The following CCDC152 variants were observed in gnomAD, a reference collection of about 807,000 sequenced individuals.
CCDC152 encodes the protein coiled-coil domain-containing protein 152.
A neutral mutation model predicts 38.1 loss-of-function variants in CCDC152; 37 were observed. The ratio of observed to expected loss-of-function variants is 0.97; its 90% confidence interval spans 0.75 to 1.28. CCDC152 has a LOEUF of 1.28. Ranked by LOEUF, CCDC152 falls within the 50% of genes most tolerant of loss-of-function variation. CCDC152 has a pLI of 0.00. For synonymous variants in CCDC152, 83 were observed against 87.1 expected, an observed-to-expected ratio of 0.95 and a Z score of 0.26; for missense variants, 259 against 292.1, an observed-to-expected ratio of 0.89 and a Z score of 0.83.
chr5:42,787,932 C>A (rs558457500), intron 6 of CCDC152, among the ~76,000 whole-genome samples: 1 of 152,098 alleles, frequency 6.6e-6, no homozygotes, highest in African/African-American at 2.4e-5. Context: ...TTAAGTGGAA[C>A]ATTTAGGCTG....
rs745733446 is a variant in CCDC152 at position 42,801,353 on chromosome 5, CT to C, written c.*1577del. ...GAGTCTGGAACAAATTTATAAATCA[CT>C]TTTTAACAAGCTTATAGAGATAGGA... is the stretch of plus-strand genomic sequence containing the variant. On this transcript the variant is annotated 3_prime_UTR_variant, in exon 9 of 9. Transcript: ENST00000361970. The C allele has an allele frequency of 1.9e-6, 3 of 1,553,862 alleles. No homozygotes were observed. The highest frequency in any genetic ancestry group is 2.4e-5 in the South Asian group (2 of 84,642).
chr5:42,784,779 T>A (rs1386421404), intron 6 of CCDC152, among the ~76,000 whole-genome samples: 1 of 152,126 alleles, frequency 6.6e-6, no homozygotes, highest in Non-Finnish European at 1.5e-5. Flanking sequence ...TTTTTGTGTA[T>A]GGTAAGGGAT....
chr5:42,756,946 T>C (rs1452073648), intron 1 of CCDC152, 61 bp downstream of exon 1: 2 of 152,732 alleles, frequency 1.3e-5, no homozygotes, highest in Non-Finnish European at 2.9e-5. Context: ...GATTCCTTTC[T>C]TCATATTTCA....
rs1301870241 is a variant in CCDC152 at position 42,800,945 on chromosome 5, C to G, written c.*1164C>G. The G allele has an allele frequency of 1.2e-6, 2 of 1,614,098 alleles. No homozygotes were observed. Among genetic ancestry groups the G allele is most frequent in the Non-Finnish European group, 8.5e-7 (1 of 1,180,050 alleles). On this transcript the variant is annotated 3_prime_UTR_variant, in exon 9 of 9. Coordinates refer to ENST00000361970, the MANE Select transcript of CCDC152 (RefSeq NM_001134848.2). ...TTGCAGACCCTGTTTTTTCAAATAT[C>G]AGATGTCGACAATGGCAGCATCAGC...
intron 4 of CCDC152, among the ~76,000 whole-genome samples, chr5:42,778,258 C>A (rs1759793985): frequency 6.6e-6 from 1 of 152,162 alleles, no homozygotes; most frequent in Non-Finnish European, 1.5e-5. Context: ...ATATTTGCTA[C>A]AACCACCTAA....
In CCDC152 at chr5:42,801,541, T is replaced by G. The variant is rs1333973575; in HGVS notation, c.*1760T>G. The G allele has an allele frequency of 2.7e-5, 13 of 481,244 alleles. No individual in the cohort carries two copies. Among genetic ancestry groups the G allele is most frequent in the Non-Finnish European group, 1.1e-5 (3 of 277,822 alleles). 29.8% of individuals were successfully genotyped at this position (481,244 alleles called of 1,614,324 possible). A position where few individuals can be genotyped will look rare whatever the true frequency, so the allele number is the denominator to read the frequency against. On this transcript the variant is annotated 3_prime_UTR_variant, in exon 9 of 9. Transcript: ENST00000361970. ...TAAAAAGAAAGCCAAACCACTGTAC[T>G]TATATTTGCAGAAGCAAATGAAGTA...
Position 42,799,892 on chromosome 5 carries a change from T to A in CCDC152, c.*111T>A, listed in dbSNP as rs1384489529. On this transcript the variant is annotated 3_prime_UTR_variant, in exon 9 of 9. Transcript: ENST00000361970. ...ATAACAAACGAAGTCAGCTTTAAGG[T>A]TTTTATTGAATTTATTTGGACAAAT... 38 of 1,204,238 alleles carry A rather than the reference T, an allele frequency of 3.2e-5. No homozygotes were observed. In the East Asian group the frequency reaches 8.4e-4, roughly 27 times the overall value. The allele number at this position is 1,204,238 out of a possible 1,614,324, so 74.6% of individuals were successfully genotyped here. A position where few individuals can be genotyped will look rare whatever the true frequency, so the allele number is the denominator to read the frequency against.
Position 42,800,156 on chromosome 5 carries a change from G to C in CCDC152, c.*375G>C, listed in dbSNP as rs1760148748. 6.0e-6 allele frequency: 1 copy of C among 167,780 alleles called. No individual in the cohort carries two copies. Among genetic ancestry groups the C allele is most frequent in the South Asian group, 1.8e-4 (1 of 5,504 alleles). The allele number at this position is 167,780 out of a possible 1,614,324, so 10.4% of individuals were successfully genotyped here. ...AAAGATACAAAGGCTTTATTCATGTGTGATAGTAAAAATCAGGATGAGTCT... is the reference window on the plus strand; with the variant it reads ...AAAGATACAAAGGCTTTATTCATGTCTGATAGTAAAAATCAGGATGAGTCT... On this transcript the variant is annotated 3_prime_UTR_variant, in exon 9 of 9. Coordinates refer to ENST00000361970, the MANE Select transcript of CCDC152 (RefSeq NM_001134848.2).
rs1760161380 is a variant in CCDC152 at position 42,800,589 on chromosome 5, A to G, written c.*808A>G. 14 of 1,134,562 alleles carry G rather than the reference A, an allele frequency of 1.2e-5. No individual in the cohort carries two copies. Among genetic ancestry groups the G allele is most frequent in the South Asian group, 1.1e-4 (6 of 56,392 alleles). 70.3% of individuals were successfully genotyped at this position (1,134,562 alleles called of 1,614,324 possible). On this transcript the variant is annotated 3_prime_UTR_variant, in exon 9 of 9. Coordinates refer to ENST00000361970, the MANE Select transcript of CCDC152 (RefSeq NM_001134848.2). Reference sequence around the variant, plus strand: ...CATAAAATTTAAAATCTGGAAGCCAATTCAGTAGATTTCTCCATGTTTGCA... The same window carrying G: ...CATAAAATTTAAAATCTGGAAGCCAGTTCAGTAGATTTCTCCATGTTTGCA...
intron 2 of CCDC152, among the ~76,000 whole-genome samples, chr5:42,760,499 G>A (rs1335594190): frequency 3.3e-5 from 5 of 152,008 alleles, no homozygotes; most frequent in Non-Finnish European, 7.4e-5. Context: ...CCCAACTCTG[G>A]ACAAATGGTA....
intron 4 of CCDC152, among the ~76,000 whole-genome samples, chr5:42,771,537 A>T (rs1360590895): frequency 1.3e-5 from 2 of 152,054 alleles, no homozygotes; most frequent in African/African-American, 4.8e-5. Flanking sequence ...CTACACTGAA[A>T]AAAAAAGAAA....
At chr5:42,759,784 C>T (rs1759525527) in intron 2 of CCDC152, among the ~76,000 whole-genome samples, 1 of 152,080 alleles carries the variant, frequency 6.6e-6, no homozygotes, top group Non-Finnish European at 1.5e-5. Flanking sequence ...AGAGAGACCA[C>T]ATTTATGTAA....
chr5:42,795,766 T>A (rs1188452036), intron 6 of CCDC152, among the ~76,000 whole-genome samples: 1 of 152,120 alleles, frequency 6.6e-6, no homozygotes, highest in East Asian at 1.9e-4. Flanking sequence ...CTATAAATCA[T>A]GCTGCTATAA....
At chr5:42,777,137 T>C (rs986076062) in intron 4 of CCDC152, among the ~76,000 whole-genome samples, 1 of 151,802 alleles carries the variant, frequency 6.6e-6, no homozygotes, top group Non-Finnish European at 1.5e-5. Context: ...AAAAGATCAA[T>C]AAAATTGACA....
chr5:42,799,840 T>A lies in CCDC152; in HGVS notation c.*59T>A. ...TAAAAGCAATCGAAAGTTTCACTTCTGTTTTCAATATATGCATACAGCCTA... is the reference window on the plus strand; with the variant it reads ...TAAAAGCAATCGAAAGTTTCACTTCAGTTTTCAATATATGCATACAGCCTA... On this transcript the variant is annotated 3_prime_UTR_variant, in exon 9 of 9. Coordinates refer to ENST00000361970, the MANE Select transcript of CCDC152 (RefSeq NM_001134848.2). 1 of 1,522,682 alleles carries A rather than the reference T, an allele frequency of 6.6e-7. No individual in the cohort carries two copies. The allele number at this position is 1,522,682 out of a possible 1,614,324, so 94.3% of individuals were successfully genotyped here.
At chr5:42,781,891 T>C (rs1759851927) in intron 5 of CCDC152, among the ~76,000 whole-genome samples, 1 of 152,204 alleles carries the variant, frequency 6.6e-6, no homozygotes, top group African/African-American at 2.4e-5. Context: ...TTTCCTTTTC[T>C]CTTGCCTACA....
intron 2 of CCDC152, among the ~76,000 whole-genome samples, chr5:42,760,535 G>T (rs1029023467): frequency 5.3e-5 from 8 of 152,134 alleles, no homozygotes; most frequent in Non-Finnish European, 1.0e-4. Context: ...TGTGTATTGG[G>T]TTTATCCTCC....
At chr5:42,767,530 G>A (rs1759641358) in intron 3 of CCDC152, among the ~76,000 whole-genome samples, 5 of 152,006 alleles carry the variant, frequency 3.3e-5, no homozygotes, top group Admixed American at 3.3e-4. Context: ...AATTTAATAG[G>A]CCAGCATTTT....
chr5:42,764,164 C>G (rs1759594409), intron 3 of CCDC152, among the ~76,000 whole-genome samples: 1 of 152,076 alleles, frequency 6.6e-6, no homozygotes, highest in South Asian at 2.1e-4. Flanking sequence ...GTAATCCCAG[C>G]ACTTTTGGAG....
Sources: gnomAD v4.1 joint callset for allele counts (sites outside exome capture counted in the v4.1 genomes callset) on GRCh38, gnomAD v4.1.1 for gene constraint, MANE v1.5 for transcripts, NCBI Gene and HGNC (gene_info 2026-07-23, HGNC 2026-07-21) for gene names.